SHANK1: variants seen among roughly 807,000 people sequenced by gnomAD.
SHANK1 encodes the protein SH3 and multiple ankyrin repeat domains 1.
A neutral mutation model predicts 165.6 loss-of-function variants in SHANK1; 35 were observed. That is an observed-to-expected ratio of 0.21 (90% CI 0.16 to 0.28). The LOEUF is 0.28. SHANK1 is among the 10% of genes least tolerant of loss of function. SHANK1 has a pLI of 1.00. For missense variants in SHANK1, 2,681 were observed against 3,036.4 expected (o/e 0.88, Z 2.75); for synonymous variants, 1,428 against 1,384.8 (o/e 1.03, Z -0.69).
intron 8 of SHANK1, among the ~76,000 whole-genome samples, chr19:50,708,492 C>A (rs186824857): frequency 1.3e-5 from 2 of 151,844 alleles, no homozygotes; most frequent in Admixed American, 6.6e-5. Flanking sequence ...CCCACCCCCC[C>A]CAACCCCGCC....
chr19:50,704,170 C>G lies in SHANK1; in HGVS notation c.1172G>C (p.Gly391Ala). ...GATCAGCTCCCCCAGCTCAAAATTC[C>G]CAGCAATCACTGCCACCTGGAGGGA... is the stretch of plus-strand genomic sequence containing the variant. The part of the protein sequence containing the change: ...QTPFQVAVIA[G>A]NFELGELIRN... Residue 391 changes from glycine (G) to alanine (A), a missense_variant, in exon 10 of 24, where the codon GGG becomes GCG. By Grantham distance (60) the Gly-to-Ala change is moderately conservative. Around this residue, in one of 10 missense-constraint regions of SHANK1, gnomAD observed 189 missense variants for 440.9 expected, o/e 0.43. Transcript: ENST00000293441. 1 of 1,613,776 alleles carries G rather than the reference C, an allele frequency of 6.2e-7. No individual in the cohort carries two copies. The highest frequency in any genetic ancestry group is 8.5e-7 in the Non-Finnish European group (1 of 1,179,924).
chr19:50,702,585 G>A lies in SHANK1; in HGVS notation c.1629C>T (p.Ser543=). The A allele has an allele frequency of 6.2e-7, 1 of 1,607,516 alleles. No individual in the cohort carries two copies. Among genetic ancestry groups the A allele is most frequent in the Non-Finnish European group, 8.5e-7 (1 of 1,177,470 alleles). Residue 543 remains serine (S), a synonymous_variant, in exon 12 of 24, where the codon AGC becomes AGT. Transcript: ENST00000293441. The surrounding 1 kb of genome is among the most constrained non-coding windows in gnomAD (Gnocchi z 5.3). The part of the protein sequence containing the change: ...GSGGPGGSLG[S]RGRRRKLYSA... ...AGTAGAGCTTCCTCCGCCTCCCGCGGCTGCCCAGGGAGCCCCCGGGGCCCC... is the reference window on the plus strand; with the variant it reads ...AGTAGAGCTTCCTCCGCCTCCCGCGACTGCCCAGGGAGCCCCCGGGGCCCC...
At chr19:50,710,919 C>T (rs555677547) in intron 8 of SHANK1, 2 of 161,616 alleles carry the variant, frequency 1.2e-5, no homozygotes, top group East Asian at 3.6e-4. Context: ...TGGAGCACCC[C>T]TTTCTCCTCT....
At chr19:50,672,571 A>G (rs1489008067) in intron 21 of SHANK1, among the ~76,000 whole-genome samples, 1 of 151,180 alleles carries the variant, frequency 6.6e-6, no homozygotes, top group Non-Finnish European at 1.5e-5. Flanking sequence ...AAAAAAAAAA[A>G]AAAAAAAAAG....
At position 50,697,162 on chromosome 19, in the gene SHANK1, G is replaced by A; in HGVS notation, c.1938-40C>T. On this transcript the variant is annotated intron_variant, in intron 14 of 23. Transcript: ENST00000293441. This position sits in a 1 kb window ranked among gnomAD's most constrained non-coding sequence, Gnocchi z 4.7. ...CAGCCAGCAGCCAGGGAGGGGAAAG[G>A]TGTCAGTGCACCCATCTCCTCACCC... 2 of 1,613,970 alleles carry A rather than the reference G, an allele frequency of 1.2e-6. No individual in the cohort carries two copies. The highest frequency in any genetic ancestry group is 2.2e-5 in the East Asian group (1 of 44,870).
rs1232293156 is a variant in SHANK1, at chr19:50,678,445, G to C, written c.2578-6331C>G. ...GGTGGTGGGGGCCAGAGGGAGAGGCGAGGGTCAGGTGACAGGTGAGGGTGA... is the reference window on the plus strand; with the variant it reads ...GGTGGTGGGGGCCAGAGGGAGAGGCCAGGGTCAGGTGACAGGTGAGGGTGA... On this transcript the variant is annotated intron_variant, in intron 21 of 23. Coordinates refer to ENST00000293441, the MANE Select transcript of SHANK1 (RefSeq NM_016148.5). 5.9e-5 allele frequency among the ~76,000 whole-genome samples: 9 copies of C among 151,910 alleles called. No individual in the cohort carries two copies. In the East Asian group the frequency reaches 9.9e-4, roughly 17 times the overall value.
Position 50,686,715 on chromosome 19 carries a change from T to C in SHANK1, c.2458+29A>G, listed in dbSNP as rs1184903443. On this transcript the variant is annotated intron_variant, in intron 20 of 23. Transcript: ENST00000293441. The surrounding 1 kb of genome is among the most constrained non-coding windows in gnomAD (Gnocchi z 5.7). ...CGGGTGCCGGGGCTGGGGCCCGGCA[T>C]CCCGAGGAGCAGGGCTGGGCCGTCT... 1.2e-6 allele frequency: 2 copies of C among 1,603,472 alleles called. No individual in the cohort carries two copies. The highest frequency in any genetic ancestry group is 1.7e-6 in the Non-Finnish European group (2 of 1,171,806).
intron 23 of SHANK1, among the ~76,000 whole-genome samples, chr19:50,665,329 C>G (rs553299795): frequency 1.3e-5 from 2 of 151,668 alleles, no homozygotes; most frequent in Non-Finnish European, 2.9e-5. Context: ...TTTGGGAGAC[C>G]GAGGTGGGAT....
Position 50,666,295 on chromosome 19 carries a change from C to G in SHANK1, c.5665G>C (p.Gly1889Arg), listed in dbSNP as rs1985507055. ...QQFGGSSAAG[G>R]ALPWARGGSG... ...CCTCCTCGGGCCCAGGGCAGAGCGCCGCCAGCTGCCGAGGAGCCCCCAAAC... is the reference window on the plus strand; with the variant it reads ...CCTCCTCGGGCCCAGGGCAGAGCGCGGCCAGCTGCCGAGGAGCCCCCAAAC... Residue 1889 changes from glycine (G) to arginine (R), a missense_variant, in exon 23 of 24, where the codon GGC becomes CGC. Physicochemically the swap from Gly to Arg is moderately radical, Grantham distance 125. Transcript: ENST00000293441. The G allele has an allele frequency of 1.2e-6, 2 of 1,612,242 alleles. No individual in the cohort carries two copies. Among genetic ancestry groups the G allele is most frequent in the Admixed American group, 3.3e-5 (2 of 59,842 alleles).
Position 50,711,999 on chromosome 19 carries a change from T to C in SHANK1, c.908A>G (p.Asn303Ser), listed in dbSNP as rs1195180050. Residue 303 changes from asparagine (N) to serine (S), a missense_variant, in exon 7 of 24, where the codon AAC becomes AGC. Asn to Ser is a conservative substitution (Grantham distance 46). Coordinates refer to ENST00000293441, the MANE Select transcript of SHANK1 (RefSeq NM_016148.5). ...DPRCCELLLF[N>S]RAQLGIADEN... ...ATCAGCTATGCCCAGCTGGGCCCTGTTGAACAGGAGCAGCTCGCAGCATCG... is the reference window on the plus strand; with the variant it reads ...ATCAGCTATGCCCAGCTGGGCCCTGCTGAACAGGAGCAGCTCGCAGCATCG... 3 of 1,613,914 alleles carry C rather than the reference T, an allele frequency of 1.9e-6. No individual in the cohort carries two copies. Among genetic ancestry groups the C allele is most frequent in the Admixed American group, 1.7e-5 (1 of 59,996 alleles).
At chr19:50,714,121 C>T (rs1368769137) in intron 5 of SHANK1, 61 bp downstream of exon 5, 2 of 1,548,576 alleles carry the variant, frequency 1.3e-6, no homozygotes, top group Non-Finnish European at 8.9e-7. Flanking sequence ...ATGCAGATGG[C>T]ACCCCTGCTC....
chr19:50,716,467 G>A lies in SHANK1; in HGVS notation c.267C>T (p.Arg89=). The stretch of plus-strand genomic sequence containing the variant: ...TCCAGATGGTGGCATCGGGGTTGAA[G>A]CGAAGGCATTTCTGGTTGGGGAAGA... ...IPDLHQTKCL[R]FNPDATIWTA... The change falls in exon 3 of 24, where the codon CGC becomes CGT. Residue 89 remains arginine, a synonymous_variant. Transcript: ENST00000293441. This position sits in a 1 kb window ranked among gnomAD's most constrained non-coding sequence, Gnocchi z 8.4. The A allele has an allele frequency of 6.2e-7, 1 of 1,614,164 alleles. No homozygotes were observed. The highest frequency in any genetic ancestry group is 8.5e-7 in the Non-Finnish European group (1 of 1,180,024).
At chr19:50,689,953 G>T (rs1599857060) in intron 15 of SHANK1, among the ~76,000 whole-genome samples, 2 of 152,120 alleles carry the variant, frequency 1.3e-5, no homozygotes, top group South Asian at 4.1e-4. Flanking sequence ...CTAGGTGCAC[G>T]TGGCTGTTTT....
At chr19:50,680,523 A>T (rs73598619) in intron 21 of SHANK1, among the ~76,000 whole-genome samples, 2 of 152,098 alleles carry the variant, frequency 1.3e-5, no homozygotes, top group Non-Finnish European at 2.9e-5. Flanking sequence ...ACAGCCCAAG[A>T]GGTGCCCTGA....
chr19:50,674,771 T>A (rs1036564102), intron 21 of SHANK1, among the ~76,000 whole-genome samples: 2 of 151,688 alleles, frequency 1.3e-5, no homozygotes, highest in Non-Finnish European at 2.9e-5. Context: ...AAATAAAAAT[T>A]ACAAAAATTG....
intron 21 of SHANK1, among the ~76,000 whole-genome samples, chr19:50,683,351 T>C (rs1026124611): frequency 1.8e-4 from 27 of 152,216 alleles, no homozygotes; most frequent in African/African-American, 6.0e-4. Context: ...AGTTGTGTTA[T>C]ATGGGGTTGC....
intron 21 of SHANK1, among the ~76,000 whole-genome samples, chr19:50,682,890 A>G (rs1410084773): frequency 2.0e-5 from 3 of 152,122 alleles, no homozygotes; most frequent in Non-Finnish European, 2.9e-5. Context: ...CAGTGGCACA[A>G]TCGTGGCTTA....
intron 15 of SHANK1, among the ~76,000 whole-genome samples, chr19:50,692,600 A>G (rs1052937868): frequency 7.3e-5 from 11 of 151,034 alleles, no homozygotes; most frequent in Non-Finnish European, 1.6e-4. Flanking sequence ...TCTCTGCTCC[A>G]TGACTCCCTC....
Position 50,688,836 on chromosome 19 carries a change from G to C in SHANK1, c.2172+8C>G. The C allele has an allele frequency of 1.9e-6, 3 of 1,607,728 alleles. No individual in the cohort carries two copies. The highest frequency in any genetic ancestry group is 2.5e-6 in the Non-Finnish European group (3 of 1,177,108). On this transcript the variant is annotated splice_region_variant and intron_variant, in intron 17 of 23. Transcript: ENST00000293441. The surrounding 1 kb of genome is among the most constrained non-coding windows in gnomAD (Gnocchi z 6.7). ...GGGTCCCAGGGAAGAGAGGGGGCCT[G>C]GACTGACCTCGATGAGGAAGTCTCC...
Sources: allele counts gnomAD v4.1 joint callset (sites outside exome capture counted in the v4.1 genomes callset), GRCh38; gene constraint gnomAD v4.1.1; regional missense constraint gnomAD v4.1.1; non-coding constraint Gnocchi (gnomAD v3.1); transcripts MANE v1.5; gene names NCBI Gene and HGNC (gene_info 2026-07-23, HGNC 2026-07-21).